FCAR: variants seen among roughly 807,000 people sequenced by gnomAD.
FCAR encodes Fc alpha receptor, also known as immunoglobulin alpha Fc receptor.
Under a neutral mutation model 27.1 loss-of-function variants are expected in FCAR, and 21 were observed. The observed-to-expected ratio is 0.77, with a 90% confidence interval of 0.55 to 1.11. The LOEUF (loss-of-function observed/expected upper bound fraction) is 1.11, where lower values mean the gene tolerates loss of function less well. Ranked by LOEUF, FCAR falls within the 50% of genes most tolerant of loss-of-function variation. FCAR has a pLI of 0.00. For synonymous variants in FCAR, 134 were observed against 135.8 expected (o/e 0.99, Z 0.09); for missense variants, 404 against 358.4 (o/e 1.13, Z -1.03).
intron 3 of FCAR, among the ~76,000 whole-genome samples, chr19:54,886,675 T>C (rs2066751552): frequency 6.6e-6 from 1 of 151,724 alleles, no homozygotes; most frequent in Admixed American, 6.6e-5. Context: ...ATTCCAGGCG[T>C]GAGCCACCGT....
At chr19:54,881,668 C>T (rs1392925983) in intron 2 of FCAR, among the ~76,000 whole-genome samples, 1 of 151,940 alleles carries the variant, frequency 6.6e-6, no homozygotes, top group Non-Finnish European at 1.5e-5. Flanking sequence ...GTCGGGAGAT[C>T]GAGACCATCC....
chr19:54,876,919 A>G (rs2066131009), intron 2 of FCAR, among the ~76,000 whole-genome samples: 1 of 152,114 alleles, frequency 6.6e-6, no homozygotes, highest in Non-Finnish European at 1.5e-5. Flanking sequence ...AGACTCCTAT[A>G]TCGAATCAAC....
chr19:54,881,011 A>C (rs964934962), intron 2 of FCAR: 1 of 152,014 alleles, frequency 6.6e-6, no homozygotes, highest in Non-Finnish European at 1.5e-5. Context: ...TGGGCTCGGC[A>C]CTCCCAGGCT....
At chr19:54,888,437 C>A in intron 4 of FCAR, 143 bp downstream of exon 4, 1 of 1,440,522 alleles carries the variant, frequency 6.9e-7, no homozygotes, top group Admixed American at 2.8e-5. Context: ...AGAAAGGCTT[C>A]CCCACCACAC....
intron 3 of FCAR, among the ~76,000 whole-genome samples, chr19:54,886,263 A>C (rs1439045057): frequency 0.11 from 8,431 of 74,632 alleles, 315 homozygotes; most frequent in South Asian, 0.16. Flanking sequence ...CACACACACA[A>C]AAAGATTTCA....
chr19:54,889,833 CT>C lies in FCAR; in HGVS notation c.837del (p.Phe279LeufsTer182). ...AACAGATGTGTCAGCCAGGATTGAC[CT>C]TTGCACGAACACCAAGTGTCTGCAA... ...SQQMCQPGLT[F>X]ARTPSVCK On this transcript the variant is annotated frameshift_variant, in exon 5 of 5. Coordinates refer to ENST00000355524, the MANE Select transcript of FCAR (RefSeq NM_002000.4). LOFTEE classifies it high-confidence loss of function. 1 of 1,607,102 alleles carries C rather than the reference CT, an allele frequency of 6.2e-7. No homozygotes were observed. Among genetic ancestry groups the C allele is most frequent in the Middle Eastern group, 1.7e-4 (1 of 5,882 alleles).
intron 4 of FCAR, chr19:54,888,815 A>C: frequency 1.0e-6 from 1 of 993,100 alleles, no homozygotes; most frequent in Non-Finnish European, 1.2e-6. Flanking sequence ...CAGGCTGCAC[A>C]CATTCTTATT....
chr19:54,885,154 A>G, intron 2 of FCAR, 81 bp from the exon 3 acceptor site: 1 of 1,277,098 alleles, frequency 7.8e-7, no homozygotes, highest in Non-Finnish European at 1.1e-6. Flanking sequence ...ACCCTAATGT[A>G]TTTTTACTTC....
At chr19:54,887,739 A>G (rs2066820533) in intron 3 of FCAR, among the ~76,000 whole-genome samples, 1 of 151,296 alleles carries the variant, frequency 6.6e-6, no homozygotes, top group South Asian at 2.1e-4. Flanking sequence ...CAACATGGAG[A>G]GACCCCGTCT....
At chr19:54,881,579 G>A (rs2066414180) in intron 2 of FCAR, among the ~76,000 whole-genome samples, 1 of 152,062 alleles carries the variant, frequency 6.6e-6, no homozygotes, top group African/African-American at 2.4e-5. Context: ...TGTGCTGGAA[G>A]CATGAATGAA....
rs1469018011 is a variant in FCAR at position 54,889,847 on chromosome 19, C to G, written c.848C>G (p.Pro283Arg). Residue 283 changes from proline (P) to arginine (R), a missense_variant, in exon 5 of 5, where the codon CCA becomes CGA. By Grantham distance (103) the Pro-to-Arg change is moderately radical. Transcript: ENST00000355524. ...CQPGLTFART[P>R]SVCK ...CCAGGATTGACCTTTGCACGAACAC[C>G]AAGTGTCTGCAAGTAAACACCTGGA... is the stretch of plus-strand genomic sequence containing the variant. The G allele has an allele frequency of 6.2e-7, 1 of 1,602,334 alleles. No individual in the cohort carries two copies. Among genetic ancestry groups the G allele is most frequent in the Non-Finnish European group, 8.5e-7 (1 of 1,179,254 alleles).
intron 2 of FCAR, among the ~76,000 whole-genome samples, chr19:54,879,764 A>G (rs2066306487): frequency 6.6e-6 from 1 of 151,276 alleles, no homozygotes; most frequent in Admixed American, 6.6e-5. Context: ...GCTCACTGCA[A>G]GCTCCGCCTC....
intron 2 of FCAR, among the ~76,000 whole-genome samples, chr19:54,876,229 G>C (rs1049352592): frequency 6.6e-6 from 1 of 152,154 alleles, no homozygotes; most frequent in Non-Finnish European, 1.5e-5. Context: ...AGAAGTGTTT[G>C]GGCAGAGACT....
At chr19:54,884,309 C>A (rs371519085) in intron 2 of FCAR, among the ~76,000 whole-genome samples, 1 of 152,126 alleles carries the variant, frequency 6.6e-6, no homozygotes, top group Admixed American at 6.6e-5. Context: ...CTGCGGAGGT[C>A]CCCCTGGCTT....
rs2066718728 is a variant in FCAR at position 54,886,297 on chromosome 19, C to CTTTTTT, written c.361+775_361+776insTTTTTT. On this transcript the variant is annotated intron_variant, in intron 3 of 4. Coordinates refer to ENST00000355524, the MANE Select transcript of FCAR (RefSeq NM_002000.4). ...CACATTGCATTCAGGTGTCATGTAT[C>CTTTTTT]TTTATTTTTTTTTTTTTTTTTTTTT... Among the ~76,000 whole-genome samples, 5 of 80,088 alleles carry CTTTTTT rather than the reference C, an allele frequency of 6.2e-5. 1 individual carries two copies. Among genetic ancestry groups the CTTTTTT allele is most frequent in the African/African-American group, 1.1e-4 (2 of 17,602 alleles). 52.5% of individuals were successfully genotyped at this position (80,088 alleles called of 152,430 possible). A position where few individuals can be genotyped will look rare whatever the true frequency, so the allele number is the denominator to read the frequency against.
At chr19:54,881,275 C>T (rs1355524485) in intron 2 of FCAR, among the ~76,000 whole-genome samples, 1 of 152,092 alleles carries the variant, frequency 6.6e-6, no homozygotes, top group African/African-American at 2.4e-5. Flanking sequence ...GACAGACTGG[C>T]CTCTTCTCCT....
In FCAR at chr19:54,874,397, G is replaced by T. The variant is rs1021696967; in HGVS notation, c.34+74G>T. The T allele has an allele frequency of 9.7e-6, 14 of 1,445,006 alleles. No homozygotes were observed. The African/African-American group carries it at 1.3e-4, about 13-fold the overall frequency. 89.5% of individuals were successfully genotyped at this position (1,445,006 alleles called of 1,614,324 possible). ...AAAATAATCAGGGTGTCTCTTAACAGTGTGACTAGGAGATTTTAGTGGCTG... is the reference window on the plus strand; with the variant it reads ...AAAATAATCAGGGTGTCTCTTAACATTGTGACTAGGAGATTTTAGTGGCTG... On this transcript the variant is annotated intron_variant, in intron 1 of 4. Coordinates refer to ENST00000355524, the MANE Select transcript of FCAR (RefSeq NM_002000.4).
At position 54,886,297 on chromosome 19, in the gene FCAR, C is replaced by CTTTTTTTTTTTTTTTTTTTTT. The variant is rs2066718728; in HGVS notation, c.361+775_361+776insTTTTTTTTTTTTTTTTTTTTT. ...CACATTGCATTCAGGTGTCATGTAT[C>CTTTTTTTTTTTTTTTTTTTTT]TTTATTTTTTTTTTTTTTTTTTTTT... On this transcript the variant is annotated intron_variant, in intron 3 of 4. Coordinates refer to ENST00000355524, the MANE Select transcript of FCAR (RefSeq NM_002000.4). Among the ~76,000 whole-genome samples the CTTTTTTTTTTTTTTTTTTTTT allele has an allele frequency of 2.5e-5, 2 of 80,088 alleles. 1 individual carries two copies. The highest frequency in any genetic ancestry group is 4.5e-5 in the Non-Finnish European group (2 of 44,508). The allele number at this position is 80,088 out of a possible 152,430, so 52.5% of individuals were successfully genotyped here.
At chr19:54,885,682 C>T (rs2066679807) in intron 3 of FCAR, among the ~76,000 whole-genome samples, 157 bp downstream of exon 3, 1 of 152,226 alleles carries the variant, frequency 6.6e-6, no homozygotes, top group Non-Finnish European at 1.5e-5. Flanking sequence ...CCAGAGTTAA[C>T]ATCTTACATT....
Sources: allele counts gnomAD v4.1 joint callset (sites outside exome capture counted in the v4.1 genomes callset), GRCh38; gene constraint gnomAD v4.1.1; transcripts MANE v1.5; gene names NCBI Gene and HGNC (gene_info 2026-07-23, HGNC 2026-07-21).